TBL1XR1: variants seen among roughly 807,000 people sequenced by gnomAD.
TBL1XR1 encodes TBL1X/Y related 1.
In TBL1XR1, 5 loss-of-function variants were observed where a neutral mutation model predicts 66.9. The ratio of observed to expected loss-of-function variants is 0.07; its 90% CI spans 0.04 to 0.16. The LOEUF (loss-of-function observed/expected upper bound fraction) is 0.16. Among genes scored for constraint, TBL1XR1 ranks in the 10% least tolerant of loss-of-function variants. The pLI is 1.00. For missense variants in TBL1XR1, 238 were observed against 623.2 expected (o/e 0.38, Z 6.58); for synonymous variants, 210 against 206.0 (o/e 1.02, Z -0.17).
intron 1 of TBL1XR1, among the ~76,000 whole-genome samples, chr3:177,113,024 C>CAT (rs34563905): frequency 6.6e-6 from 1 of 151,486 alleles, no homozygotes; most frequent in African/African-American, 2.4e-5. Flanking sequence ...CACACACACA[C>CAT]GGAATAGAAT....
intron 1 of TBL1XR1, among the ~76,000 whole-genome samples, chr3:177,156,367 C>T (rs145800264): frequency 0.016 from 2,380 of 151,180 alleles, 55 homozygotes; most frequent in African/African-American, 0.054. Context: ...GGTGTGGTGG[C>T]GGGCGCCTGT....
rs551287797 is a variant in TBL1XR1, at chr3:177,053,758, A to G, written c.204+15T>C. The stretch of plus-strand genomic sequence containing the variant: ...AAGATGAAAAAAATCAGTATTTGAA[A>G]TAAGTCTTCCTTACCTCATTAATAC... On this transcript the variant is annotated intron_variant, in intron 4 of 15. Transcript: ENST00000457928. The G allele has an allele frequency of 1.1e-5, 17 of 1,607,678 alleles. No individual in the cohort carries two copies. Among genetic ancestry groups the G allele is most frequent in the African/African-American group, 4.0e-5 (3 of 74,920 alleles).
At position 177,136,735 on chromosome 3, in the gene TBL1XR1, T is replaced by C. The variant is rs1400633039; in HGVS notation, c.-121-38194A>G. ...CATAAGTACCATATTTCTCCCCTGC[T>C]GAAGTGTGCCCTAAAACTACAGTGT... On this transcript the variant is annotated intron_variant, in intron 1 of 15. Coordinates refer to ENST00000457928, the MANE Select transcript of TBL1XR1 (RefSeq NM_024665.7). 2.0e-5 allele frequency among the ~76,000 whole-genome samples: 3 copies of C among 152,228 alleles called. No individual in the cohort carries two copies. In the East Asian group the frequency reaches 5.8e-4, roughly 29 times the overall value.
At chr3:177,068,082 G>A (rs567606443) in intron 2 of TBL1XR1, among the ~76,000 whole-genome samples, 36 of 152,260 alleles carry the variant, frequency 2.4e-4, no homozygotes, top group African/African-American at 8.4e-4. Flanking sequence ...GCCTGATGAA[G>A]AGTATATCAT....
intron 2 of TBL1XR1, among the ~76,000 whole-genome samples, chr3:177,090,837 A>C (rs1722742108): frequency 6.6e-6 from 1 of 152,014 alleles, no homozygotes; most frequent in Non-Finnish European, 1.5e-5. Flanking sequence ...AAGTTAAAAC[A>C]ATTAGCCAGG....
At chr3:177,132,439 C>A (rs1577260978) in intron 1 of TBL1XR1, among the ~76,000 whole-genome samples, 1 of 152,180 alleles carries the variant, frequency 6.6e-6, no homozygotes, top group Admixed American at 6.6e-5. Flanking sequence ...CTTTAAGTAT[C>A]GTTTTTCAGC....
chr3:177,040,276 C>T (rs890923550), intron 10 of TBL1XR1, among the ~76,000 whole-genome samples: 74 of 152,310 alleles, frequency 4.9e-4, no homozygotes, highest in African/African-American at 1.7e-3. Context: ...GATTGCACCA[C>T]TGCACTCCAG....
At chr3:177,106,854 C>A (rs1329303467) in intron 1 of TBL1XR1, among the ~76,000 whole-genome samples, 2 of 151,980 alleles carry the variant, frequency 1.3e-5, no homozygotes, top group African/African-American at 4.8e-5. Context: ...CTGTGTGCTA[C>A]TAAGGCTATT....
chr3:177,194,755 G>A (rs1287064748), intron 1 of TBL1XR1, among the ~76,000 whole-genome samples: 1 of 152,072 alleles, frequency 6.6e-6, no homozygotes, highest in Non-Finnish European at 1.5e-5. Context: ...AATTCTTTCG[G>A]GAGACTGGTG....
intron 2 of TBL1XR1, among the ~76,000 whole-genome samples, chr3:177,089,086 T>A (rs534680049): frequency 6.6e-6 from 1 of 152,228 alleles, no homozygotes; most frequent in South Asian, 2.1e-4. Context: ...TGGCAAGTCA[T>A]AACTTCTTTC....
At chr3:177,169,130 T>C (rs894005873) in intron 1 of TBL1XR1, among the ~76,000 whole-genome samples, 1 of 152,208 alleles carries the variant, frequency 6.6e-6, no homozygotes, top group African/African-American at 2.4e-5. Context: ...ATCATTTTCT[T>C]AATGTTGTTC....
At chr3:177,096,807 C>G (rs1490641188) in intron 2 of TBL1XR1, among the ~76,000 whole-genome samples, 1 of 152,084 alleles carries the variant, frequency 6.6e-6, no homozygotes, top group South Asian at 2.1e-4. Flanking sequence ...AAGACCCCAG[C>G]AAGTGCTTTA....
intron 1 of TBL1XR1, among the ~76,000 whole-genome samples, chr3:177,128,288 A>T (rs1484011118): frequency 1.3e-5 from 2 of 152,198 alleles, no homozygotes; most frequent in Non-Finnish European, 2.9e-5. Flanking sequence ...ACCGATGTGA[A>T]CTGTTTTATT....
chr3:177,183,771 C>T (rs1735096600), intron 1 of TBL1XR1, among the ~76,000 whole-genome samples: 1 of 149,606 alleles, frequency 6.7e-6, no homozygotes, highest in African/African-American at 2.4e-5. Context: ...GACCAAAAAA[C>T]TTTATTTTTA....
intron 2 of TBL1XR1, among the ~76,000 whole-genome samples, chr3:177,089,002 C>T (rs1460520914): frequency 6.6e-6 from 1 of 152,182 alleles, no homozygotes; most frequent in Non-Finnish European, 1.5e-5. Flanking sequence ...ATTGACTCCT[C>T]GCTATGTACC....
intron 1 of TBL1XR1, among the ~76,000 whole-genome samples, chr3:177,130,016 G>A (rs1420474877): frequency 6.6e-6 from 1 of 151,872 alleles, no homozygotes; most frequent in East Asian, 1.9e-4. Context: ...GTAGTGGCGT[G>A]CGCCTGTAGT....
chr3:177,095,807 T>C (rs745983115), intron 2 of TBL1XR1, among the ~76,000 whole-genome samples: 2 of 152,140 alleles, frequency 1.3e-5, no homozygotes, highest in Non-Finnish European at 2.9e-5. Context: ...GATTTAAAAT[T>C]ACTTGTGTCT....
chr3:177,111,485 A>C (rs1364959764), intron 1 of TBL1XR1, among the ~76,000 whole-genome samples: 5 of 151,966 alleles, frequency 3.3e-5, no homozygotes, highest in Admixed American at 1.3e-4. Context: ...GGATCGGTTG[A>C]GCCTGGGTTT....
intron 2 of TBL1XR1, among the ~76,000 whole-genome samples, chr3:177,068,170 T>C (rs1719415124): frequency 6.6e-6 from 1 of 152,218 alleles, no homozygotes; most frequent in African/African-American, 2.4e-5. Context: ...ACTTCCTAAA[T>C]TCACAAAGGA....
Sources: allele counts gnomAD v4.1 joint callset (sites outside exome capture counted in the v4.1 genomes callset), GRCh38; gene constraint gnomAD v4.1.1; transcripts MANE v1.5; gene names NCBI Gene and HGNC (gene_info 2026-07-23, HGNC 2026-07-21).